Variants in SPTBN2 observed in about 807,000 individuals in gnomAD.
The protein encoded by SPTBN2 is spectrin beta chain, non-erythrocytic 2.
SPTBN2 carries 107 observed loss-of-function variants against 284.2 expected under a neutral mutation model. The observed-to-expected ratio is 0.38, with a 90% CI of 0.32 to 0.44. The LOEUF (loss-of-function observed/expected upper bound fraction) is 0.44. Among genes scored for constraint, SPTBN2 ranks in the 20% least tolerant of loss-of-function variants. SPTBN2 has a pLI of 1.00. For synonymous variants in SPTBN2, 1,289 were observed against 1,354.8 expected, an observed-to-expected ratio of 0.95 and a Z score of 1.07; for missense variants, 2,569 against 3,287.1, an observed-to-expected ratio of 0.78 and a Z score of 5.34.
At chr11:66,702,646 CTTTA>C (rs1206218302) in intron 15 of SPTBN2, among the ~76,000 whole-genome samples, 1 of 151,632 alleles carries the variant, frequency 6.6e-6, no homozygotes, top group African/African-American at 2.4e-5. Flanking sequence ...TCCAGTAAAA[CTTTA>C]TTTACAGACC....
chr11:66,686,539 A>T, intron 36 of SPTBN2, 99 bp from the exon 37 acceptor site: 1 of 1,345,938 alleles, frequency 7.4e-7, no homozygotes, highest in East Asian at 2.3e-5. Flanking sequence ...AGGCTGGGAC[A>T]TCTGGCTGCA....
chr11:66,740,004 C>T (rs1310932452), intron 1 of SPTBN2, among the ~76,000 whole-genome samples: 1 of 152,176 alleles, frequency 6.6e-6, no homozygotes, highest in Non-Finnish European at 1.5e-5. Flanking sequence ...TGCACTCCAG[C>T]CCAGGCAACA....
Position 66,710,874 on chromosome 11 carries a change from C to T in SPTBN2, c.885+43G>A, listed in dbSNP as rs372575463. ...CACTAGGGCAGTAAGACCCCTCAGC[C>T]GGGCCTCCTCTGGCCTTTATGCCTA... is the stretch of plus-strand genomic sequence containing the variant. On this transcript the variant is annotated intron_variant, in intron 9 of 37. Coordinates refer to ENST00000533211, the MANE Select transcript of SPTBN2 (RefSeq NM_006946.4). This position sits in a 1 kb window ranked among gnomAD's most constrained non-coding sequence, Gnocchi z 4.9. 18 of 1,611,418 alleles carry T rather than the reference C, an allele frequency of 1.1e-5. No individual in the cohort carries two copies. Among genetic ancestry groups the T allele is most frequent in the Admixed American group, 8.3e-5 (5 of 60,000 alleles).
intron 15 of SPTBN2, 38 bp downstream of exon 15, chr11:66,704,560 T>G: frequency 1.1e-5 from 10 of 915,274 alleles, no homozygotes; most frequent in Non-Finnish European, 1.5e-5. Flanking sequence ...CACCCCCACC[T>G]CCCAAGGCTG....
At chr11:66,699,169 T>A in intron 18 of SPTBN2, 87 bp from the exon 19 acceptor site, 1 of 1,525,506 alleles carries the variant, frequency 6.6e-7, no homozygotes. Flanking sequence ...CCATTTCTTC[T>A]AGGGGAATAA....
intron 21 of SPTBN2, among the ~76,000 whole-genome samples, chr11:66,694,646 C>A (rs764477569): frequency 3.4e-4 from 52 of 152,234 alleles, no homozygotes; most frequent in Non-Finnish European, 6.2e-4. Context: ...TAACTTATAA[C>A]AAACCTGCAC....
At chr11:66,720,805 C>CG (rs1565156838) in intron 3 of SPTBN2, among the ~76,000 whole-genome samples, 2 of 152,052 alleles carry the variant, frequency 1.3e-5, no homozygotes, top group African/African-American at 4.8e-5. Flanking sequence ...GGACATGACC[C>CG]GGGGGCTGAG....
intron 1 of SPTBN2, among the ~76,000 whole-genome samples, chr11:66,735,201 C>T (rs533421878): frequency 2.6e-5 from 4 of 152,006 alleles, no homozygotes; most frequent in South Asian, 4.1e-4. Context: ...GGCGTGGTGG[C>T]GCATGTCTGT....
At chr11:66,724,548 T>G (rs566245895) in intron 1 of SPTBN2, among the ~76,000 whole-genome samples, 4 of 152,152 alleles carry the variant, frequency 2.6e-5, no homozygotes, top group Non-Finnish European at 5.9e-5. Flanking sequence ...ATTTTTGTAC[T>G]CCACAAAGAG....
At position 66,700,697 on chromosome 11, in the gene SPTBN2, G is replaced by T; in HGVS notation, c.3402C>A (p.Asp1134Glu). The T allele has an allele frequency of 6.2e-7, 1 of 1,605,670 alleles. No homozygotes were observed. Among genetic ancestry groups the T allele is most frequent in the Non-Finnish European group, 8.5e-7 (1 of 1,179,898 alleles). The change falls in exon 17 of 38, where the codon GAC (aspartate) becomes GAA (glutamate). Residue 1134 changes from aspartate (D) to glutamate (E), a missense_variant. Around this residue, in one of 6 missense-constraint regions of SPTBN2, gnomAD observed 1,012 missense variants for 1,248.9 expected, o/e 0.81. Transcript: ENST00000533211. The surrounding 1 kb of genome is among the most constrained non-coding windows in gnomAD (Gnocchi z 6.6). The part of the protein sequence containing the change: ...LRALGEEVTR[D>E]QADPQCLFLR... Reference sequence around the variant, plus strand: ...GGAAGAGGCACTGGGGGTCAGCCTGGTCCCGGGTCACCTCCTCGCCCAGGG... The same window carrying T: ...GGAAGAGGCACTGGGGGTCAGCCTGTTCCCGGGTCACCTCCTCGCCCAGGG...
At position 66,707,456 on chromosome 11, in the gene SPTBN2, A is replaced by G. The variant is rs1941620479; in HGVS notation, c.1653+60T>C. 1 of 1,540,808 alleles carries G rather than the reference A, an allele frequency of 6.5e-7. No individual in the cohort carries two copies. Among genetic ancestry groups the G allele is most frequent in the African/African-American group, 1.4e-5 (1 of 73,170 alleles). ...GCCGAGCAGACGGGCGGACGCACCC[A>G]CTGTGGGGCCCCCTCGACTCTTGAT... On this transcript the variant is annotated intron_variant, in intron 13 of 37. Coordinates refer to ENST00000533211, the MANE Select transcript of SPTBN2 (RefSeq NM_006946.4). This position sits in a 1 kb window ranked among gnomAD's most constrained non-coding sequence, Gnocchi z 4.9.
chr11:66,704,447 G>T, intron 15 of SPTBN2, 151 bp downstream of exon 15: 1 of 950,534 alleles, frequency 1.1e-6, no homozygotes, highest in South Asian at 1.7e-5. Flanking sequence ...TTGTGAGTAT[G>T]GTTAACATTT....
At position 66,718,567 on chromosome 11, in the gene SPTBN2, G is replaced by A. The variant is rs1035355263; in HGVS notation, c.157+2517C>T. ...CTTCCACAGCCTCATAGTAAAACTC[G>A]CTGGCCTCATGCAGGCCGTTCCCGT... On this transcript the variant is annotated intron_variant, in intron 3 of 37. Transcript: ENST00000533211. The surrounding 1 kb of genome is among the most constrained non-coding windows in gnomAD (Gnocchi z 4.8). Among the ~76,000 whole-genome samples, 1 of 152,154 alleles carries A rather than the reference G, an allele frequency of 6.6e-6. No homozygotes were observed. Among genetic ancestry groups the A allele is most frequent in the African/African-American group, 2.4e-5 (1 of 41,434 alleles).
intron 20 of SPTBN2, 105 bp from the exon 21 acceptor site, chr11:66,696,645 C>A: frequency 6.9e-7 from 1 of 1,456,292 alleles, no homozygotes; most frequent in Non-Finnish European, 9.5e-7. Flanking sequence ...GAAGTGTGGG[C>A]AATAATTCCA....
At chr11:66,720,855 A>T (rs1942368685) in intron 3 of SPTBN2, among the ~76,000 whole-genome samples, 1 of 152,128 alleles carries the variant, frequency 6.6e-6, no homozygotes, top group African/African-American at 2.4e-5. Context: ...CAGCCAGTCC[A>T]GGGGCCAGTG....
intron 1 of SPTBN2, among the ~76,000 whole-genome samples, 200 bp from the exon 2 acceptor site, chr11:66,721,640 G>C (rs113642260): frequency 4.6e-5 from 7 of 152,252 alleles, no homozygotes; most frequent in African/African-American, 1.7e-4. Context: ...CACATATGGG[G>C]CCCCACAGGC....
At chr11:66,732,573 C>T (rs1344438771), upstream of SPTBN2, among the ~76,000 whole-genome samples, 4 of 147,478 alleles carry the variant, frequency 2.7e-5, no homozygotes, top group African/African-American at 1.0e-4. Flanking sequence ...TTGCTTGAAC[C>T]CGGGAGGCAG....
intron 25 of SPTBN2, 88 bp from the exon 26 acceptor site, chr11:66,692,828 C>T: frequency 6.3e-7 from 1 of 1,596,104 alleles, no homozygotes; most frequent in Admixed American, 1.7e-5. Flanking sequence ...CCCTCTGAGT[C>T]TCCCAACAGC....
At chr11:66,732,890 C>T (rs1942823267), upstream of SPTBN2, among the ~76,000 whole-genome samples, 2 of 150,852 alleles carry the variant, frequency 1.3e-5, no homozygotes, top group Non-Finnish European at 2.9e-5. Context: ...CTCTTGAGCC[C>T]AGGAGACGGA....
Sources: gnomAD v4.1 joint callset for allele counts (sites outside exome capture counted in the v4.1 genomes callset) on GRCh38, gnomAD v4.1.1 for gene constraint, gnomAD v4.1.1 regional missense constraint, Gnocchi (gnomAD v3.1) non-coding constraint, MANE v1.5 for transcripts, NCBI Gene and HGNC (gene_info 2026-07-23, HGNC 2026-07-21) for gene names.